PTPRT: variants seen among roughly 807,000 people sequenced by gnomAD.
PTPRT encodes the protein receptor-type tyrosine-protein phosphatase T.
Under a neutral mutation model 176.8 loss-of-function variants are expected in PTPRT, and 56 were observed. The observed-to-expected ratio is 0.32, with a 90% CI of 0.26 to 0.40. The LOEUF is 0.40. Ranked by LOEUF, PTPRT falls within the 10% of genes least tolerant of loss-of-function variation. The probability of loss-of-function intolerance (pLI) is 1.00; values close to 1 mark genes in which losing one functional copy is unlikely to be tolerated. For synonymous variants in PTPRT, 783 were observed against 739.0 expected (o/e 1.06, Z -0.96); for missense variants, 1,540 against 1,908.2 (o/e 0.81, Z 3.60).
chr20:42,250,356 T>C (rs1320390935), intron 13 of PTPRT, among the ~76,000 whole-genome samples: 1 of 152,236 alleles, frequency 6.6e-6, no homozygotes, highest in Non-Finnish European at 1.5e-5. Context: ...GGAAGCAAAT[T>C]GAGTTTTCTC....
chr20:42,758,602 A>G (rs1399528359), intron 5 of PTPRT, among the ~76,000 whole-genome samples: 1 of 152,094 alleles, frequency 6.6e-6, no homozygotes, highest in East Asian at 1.9e-4. Context: ...TATTTGCTTT[A>G]TACTTGAACA....
intron 12 of PTPRT, among the ~76,000 whole-genome samples, chr20:42,304,364 C>T (rs1421522237): frequency 2.6e-5 from 4 of 152,098 alleles, no homozygotes. Flanking sequence ...TCTATCCCAC[C>T]TGTGATATGT....
In PTPRT at chr20:42,955,243, A is replaced by G. The variant is rs376415449; in HGVS notation, c.89-69311T>C. 3.3e-5 allele frequency among the ~76,000 whole-genome samples: 5 copies of G among 152,218 alleles called. No homozygotes were observed. The East Asian group carries it at 5.8e-4, about 18-fold the overall frequency. On this transcript the variant is annotated intron_variant, in intron 1 of 30. Coordinates refer to ENST00000373187, the MANE Select transcript of PTPRT (RefSeq NM_007050.6). ...TCCTTCCCACAGCCCTGCGAGGCAC[A>G]GATACATTAAATAACTTGGTTACTC...
intron 6 of PTPRT, among the ~76,000 whole-genome samples, chr20:42,693,980 T>C (rs1252756626): frequency 6.6e-6 from 1 of 152,094 alleles, no homozygotes; most frequent in African/African-American, 2.4e-5. Flanking sequence ...GGGACTGTTT[T>C]TGTCACCTGC....
chr20:42,712,156 A>C (rs2076153946), intron 6 of PTPRT, among the ~76,000 whole-genome samples: 1 of 151,174 alleles, frequency 6.6e-6, no homozygotes, highest in African/African-American at 2.4e-5. Flanking sequence ...TCTCATTAGG[A>C]AAATAATCCT....
chr20:42,980,561 T>C (rs904596901), intron 1 of PTPRT, among the ~76,000 whole-genome samples: 2 of 152,216 alleles, frequency 1.3e-5, no homozygotes, highest in Non-Finnish European at 2.9e-5. Context: ...GCCTAAGCTG[T>C]CTCTAAATGG....
chr20:42,856,862 T>C (rs2078572265), intron 2 of PTPRT, among the ~76,000 whole-genome samples: 1 of 151,824 alleles, frequency 6.6e-6, no homozygotes, highest in African/African-American at 2.4e-5. Context: ...AGATAGGATG[T>C]TGGGAGGGAA....
intron 2 of PTPRT, among the ~76,000 whole-genome samples, chr20:42,870,544 G>A (rs945936290): frequency 3.3e-5 from 5 of 152,186 alleles, no homozygotes; most frequent in South Asian, 2.1e-4. Flanking sequence ...TGGTGTTTCC[G>A]TCAATGACGG....
chr20:42,128,009 A>G (rs1238742334), intron 19 of PTPRT, among the ~76,000 whole-genome samples: 4 of 152,176 alleles, frequency 2.6e-5, no homozygotes, highest in African/African-American at 9.7e-5. Flanking sequence ...CCACTTCCTA[A>G]GTCTGAGCAT....
At chr20:42,583,900 G>A (rs1309942549) in intron 7 of PTPRT, among the ~76,000 whole-genome samples, 1 of 152,060 alleles carries the variant, frequency 6.6e-6, no homozygotes, top group South Asian at 2.1e-4. Context: ...ACTAAATGTG[G>A]CTGCTAAGTT....
intron 1 of PTPRT, among the ~76,000 whole-genome samples, chr20:43,072,772 A>T (rs1390178492): frequency 6.6e-6 from 1 of 152,244 alleles, no homozygotes; most frequent in Non-Finnish European, 1.5e-5. Context: ...AATGAAAAGA[A>T]ATGCTCTTCC....
At chr20:43,168,141 ATT>A (rs1329678559) in intron 1 of PTPRT, among the ~76,000 whole-genome samples, 2 of 152,316 alleles carry the variant, frequency 1.3e-5, no homozygotes, top group East Asian at 3.9e-4. Flanking sequence ...CTCTCGCTGC[ATT>A]ATCATAAGCT....
At chr20:43,071,376 G>C (rs190344502) in intron 1 of PTPRT, among the ~76,000 whole-genome samples, 4 of 152,200 alleles carry the variant, frequency 2.6e-5, no homozygotes, top group African/African-American at 9.7e-5. Flanking sequence ...AGCTCTCCAG[G>C]TGCTTCTCAT....
intron 1 of PTPRT, among the ~76,000 whole-genome samples, chr20:43,148,969 T>C (rs923232165): frequency 6.6e-6 from 1 of 152,200 alleles, no homozygotes; most frequent in Non-Finnish European, 1.5e-5. Context: ...TGTGATCCTC[T>C]TACTTCTGCA....
chr20:42,417,699 A>G (rs1272700437), intron 9 of PTPRT, among the ~76,000 whole-genome samples: 1 of 150,854 alleles, frequency 6.6e-6, no homozygotes, highest in Admixed American at 6.7e-5. Context: ...ATGAATGAAT[A>G]ATATGAAGAT....
chr20:42,406,408 A>C (rs752948955), intron 9 of PTPRT, among the ~76,000 whole-genome samples: 8 of 152,078 alleles, frequency 5.3e-5, no homozygotes, highest in Non-Finnish European at 1.2e-4. Context: ...GTAATAAGAA[A>C]TTTGAGAATT....
In PTPRT at chr20:42,910,150, C is replaced by T. The variant is rs574892581; in HGVS notation, c.89-24218G>A. ...ATCAGATGACAGCCCAAACCGCAGC[C>T]CCCAAAGACCATCCAGAAATCCTGC... On this transcript the variant is annotated intron_variant, in intron 1 of 30. Transcript: ENST00000373187. Among the ~76,000 whole-genome samples the T allele has an allele frequency of 3.9e-4, 60 of 152,276 alleles. 1 individual carries two copies. Among genetic ancestry groups the T allele is most frequent in the South Asian group, 3.3e-3 (16 of 4,824 alleles).
intron 2 of PTPRT, among the ~76,000 whole-genome samples, chr20:42,881,070 G>C (rs759829756): frequency 6.6e-6 from 1 of 152,136 alleles, no homozygotes; most frequent in Non-Finnish European, 1.5e-5. Context: ...TAGAAGTGGG[G>C]GCAAGGTCTC....
At chr20:43,052,193 G>T (rs139446449) in intron 1 of PTPRT, among the ~76,000 whole-genome samples, 1 of 152,196 alleles carries the variant, frequency 6.6e-6, no homozygotes, top group East Asian at 1.9e-4. Flanking sequence ...AGGTAAAAGC[G>T]ATTGCCTTTA....
Sources: gnomAD v4.1 joint callset for allele counts (sites outside exome capture counted in the v4.1 genomes callset) on GRCh38, gnomAD v4.1.1 for gene constraint, MANE v1.5 for transcripts, NCBI Gene and HGNC (gene_info 2026-07-23, HGNC 2026-07-21) for gene names.